The following SCFD2 variants were observed in gnomAD, a reference collection of about 807,000 sequenced individuals.
The protein encoded by SCFD2 is sec1 family domain-containing protein 2.
In SCFD2, 54 loss-of-function variants were observed where a neutral mutation model predicts 58.9. The observed-to-expected ratio is 0.92, with a 90% confidence interval of 0.74 to 1.15. The LOEUF is 1.15. Ranked by LOEUF, SCFD2 falls within the 50% of genes most tolerant of loss-of-function variation. SCFD2 has a pLI of 0.00. For missense variants in SCFD2, 805 were observed against 836.6 expected, an observed-to-expected ratio of 0.96 and a Z score of 0.47; for synonymous variants, 321 against 335.9, an observed-to-expected ratio of 0.96 and a Z score of 0.49.
At chr4:52,885,929 G>A in intron 7 of SCFD2, 63 bp from the exon 8 acceptor site, 1 of 1,595,980 alleles carries the variant, frequency 6.3e-7, no homozygotes, top group Non-Finnish European at 8.6e-7. Context: ...ATGCAGCTGG[G>A]TACCATCTTC....
intron 3 of SCFD2, among the ~76,000 whole-genome samples, chr4:53,285,279 C>CAGATA (rs1731630452): frequency 6.6e-6 from 1 of 152,080 alleles, no homozygotes; most frequent in South Asian, 2.1e-4. Context: ...GATAACATGG[C>CAGATA]ACATAATAGG....
intron 5 of SCFD2, among the ~76,000 whole-genome samples, chr4:52,991,653 A>G (rs1721615101): frequency 1.3e-5 from 2 of 152,148 alleles, no homozygotes; most frequent in Non-Finnish European, 2.9e-5. Context: ...CATCCTCAAG[A>G]TGACTTGACA....
chr4:53,046,712 G>T (rs886973204), intron 5 of SCFD2, among the ~76,000 whole-genome samples: 2 of 152,054 alleles, frequency 1.3e-5, no homozygotes, highest in African/African-American at 4.8e-5. Flanking sequence ...CTGTCGCCCA[G>T]GCTGGAGTGC....
Position 53,352,762 on chromosome 4 carries a change from T to G in SCFD2, c.843A>C (p.Ala281=), listed in dbSNP as rs1171062794. The change falls in exon 2 of 9, where the codon GCA becomes GCC. Residue 281 remains alanine (A), a synonymous_variant. Coordinates refer to ENST00000401642, the MANE Select transcript of SCFD2 (RefSeq NM_152540.4). The part of the protein sequence containing the change: ...FVDRTLDLTG[A]VGHHGDNLVE... ...CTAAGTTGTCTCCATGATGTCCAACTGCTCCTGTTTAAGCAGACAAGATGA... is the reference window on the plus strand; with the variant it reads ...CTAAGTTGTCTCCATGATGTCCAACGGCTCCTGTTTAAGCAGACAAGATGA... 1 of 1,613,390 alleles carries G rather than the reference T, an allele frequency of 6.2e-7. No individual in the cohort carries two copies. The highest frequency in any genetic ancestry group is 2.2e-5 in the East Asian group (1 of 44,874).
chr4:53,306,887 T>G (rs1457661663), intron 3 of SCFD2, among the ~76,000 whole-genome samples: 2 of 152,242 alleles, frequency 1.3e-5, no homozygotes, highest in Non-Finnish European at 2.9e-5. Flanking sequence ...AGGAAAGATG[T>G]GCATTTTTGT....
chr4:53,054,205 C>T (rs1227310860), intron 5 of SCFD2, among the ~76,000 whole-genome samples: 2 of 152,180 alleles, frequency 1.3e-5, no homozygotes, highest in African/African-American at 4.8e-5. Context: ...CTGTGCTTGG[C>T]TTATTTCACT....
intron 3 of SCFD2, among the ~76,000 whole-genome samples, chr4:53,277,286 T>C (rs543783886): frequency 1.3e-4 from 20 of 152,356 alleles, no homozygotes; most frequent in African/African-American, 4.1e-4. Flanking sequence ...TGATATTCTC[T>C]GACATCTATT....
At chr4:53,199,148 C>T (rs1728149737) in intron 4 of SCFD2, among the ~76,000 whole-genome samples, 1 of 152,090 alleles carries the variant, frequency 6.6e-6, no homozygotes, top group Admixed American at 6.6e-5. Flanking sequence ...CACTCAGTCC[C>T]TCTAAAGGCA....
intron 5 of SCFD2, among the ~76,000 whole-genome samples, chr4:53,136,751 C>T (rs567277115): frequency 3.9e-5 from 6 of 152,246 alleles, no homozygotes; most frequent in East Asian, 3.9e-4. Context: ...AAACCAGAAC[C>T]CAGATCCACT....
At chr4:52,908,293 G>C (rs1390792933) in intron 6 of SCFD2, among the ~76,000 whole-genome samples, 1 of 152,124 alleles carries the variant, frequency 6.6e-6, no homozygotes, top group East Asian at 1.9e-4. Flanking sequence ...GGTTATATGG[G>C]GAGCCAGCCG....
At chr4:52,991,765 A>C (rs567757980) in intron 5 of SCFD2, among the ~76,000 whole-genome samples, 4 of 152,138 alleles carry the variant, frequency 2.6e-5, no homozygotes, top group Admixed American at 6.5e-5. Flanking sequence ...CTGTAGCTGT[A>C]GCTGTGGAAA....
intron 5 of SCFD2, among the ~76,000 whole-genome samples, chr4:52,924,826 T>C (rs1225061428): frequency 1.3e-5 from 2 of 152,198 alleles, no homozygotes; most frequent in South Asian, 2.1e-4. Context: ...TATCCCCGAT[T>C]GCAGACCTGA....
chr4:53,073,076 T>C (rs1723868110), intron 5 of SCFD2, among the ~76,000 whole-genome samples: 1 of 151,938 alleles, frequency 6.6e-6, no homozygotes, highest in Admixed American at 6.6e-5. Context: ...GTACTGAACA[T>C]GTACATACTT....
chr4:52,942,647 C>G (rs748059673), intron 5 of SCFD2, among the ~76,000 whole-genome samples: 2 of 152,172 alleles, frequency 1.3e-5, no homozygotes, highest in Non-Finnish European at 2.9e-5. Flanking sequence ...GCCCTTGAAA[C>G]AGTGCCTGAC....
At chr4:53,248,089 G>C (rs533845483) in intron 4 of SCFD2, among the ~76,000 whole-genome samples, 2 of 152,180 alleles carry the variant, frequency 1.3e-5, no homozygotes, top group African/African-American at 2.4e-5. Flanking sequence ...ACCCGAAGCA[G>C]GGCGAGGCAT....
intron 3 of SCFD2, among the ~76,000 whole-genome samples, chr4:53,288,381 G>T (rs1204801539): frequency 6.6e-6 from 1 of 151,980 alleles, no homozygotes; most frequent in Non-Finnish European, 1.5e-5. Flanking sequence ...GAAAGATAGG[G>T]ACATCTAGGT....
chr4:53,253,304 G>C (rs1223431104), intron 4 of SCFD2, among the ~76,000 whole-genome samples: 1 of 152,144 alleles, frequency 6.6e-6, no homozygotes. Flanking sequence ...TTGTAAACTA[G>C]TTCAACCATT....
intron 2 of SCFD2, among the ~76,000 whole-genome samples, chr4:53,335,194 CAAAAAAAAAAAAA>C (rs56344451): frequency 1.2e-5 from 1 of 80,610 alleles, no homozygotes; most frequent in Non-Finnish European, 2.0e-5. Flanking sequence ...GACTCCGTCT[CAAAAAAAAAAAAA>C]AAAAAACAAC....
chr4:53,255,425 T>C (rs1730576419), intron 4 of SCFD2, among the ~76,000 whole-genome samples: 1 of 152,018 alleles, frequency 6.6e-6, no homozygotes, highest in Non-Finnish European at 1.5e-5. Flanking sequence ...TTAAGGAGCA[T>C]GCTGCCTTCA....
Sources: gnomAD v4.1 joint callset for allele counts (sites outside exome capture counted in the v4.1 genomes callset) on GRCh38, gnomAD v4.1.1 for gene constraint, MANE v1.5 for transcripts, NCBI Gene and HGNC (gene_info 2026-07-23, HGNC 2026-07-21) for gene names.